The following LRRC74B variants were observed in gnomAD, a reference collection of about 807,000 sequenced individuals.
LRRC74B encodes leucine rich repeat containing 74B.
Under a neutral mutation model 16.6 loss-of-function variants are expected in LRRC74B, and 30 were observed. That is an observed-to-expected ratio of 1.80 (90% CI 1.35 to 2.45). The LOEUF (loss-of-function observed/expected upper bound fraction) is 2.45, where lower values mean the gene tolerates loss of function less well. Among genes scored for constraint, LRRC74B ranks in the 30% most tolerant of loss-of-function variants. The probability of loss-of-function intolerance (pLI) is 0.00; values close to 1 mark genes in which losing one functional copy is unlikely to be tolerated. For missense variants in LRRC74B, 326 were observed against 202.4 expected, an observed-to-expected ratio of 1.61 and a Z score of -3.71; for synonymous variants, 134 against 86.0, an observed-to-expected ratio of 1.56 and a Z score of -3.09.
chr22:21,047,903 C>A (rs754801266), exon 3 of LRRC74B: 64 of 717,238 alleles, frequency 8.9e-5, no homozygotes, highest in Non-Finnish European at 1.5e-4. Flanking sequence ...GCTCTGGCTT[C>A]CTCATTGAGC....
chr22:21,045,959 T>C (rs1192072028), upstream of LRRC74B: 3 of 715,890 alleles, frequency 4.2e-6, no homozygotes, highest in Non-Finnish European at 7.8e-6. Flanking sequence ...TCCGACTCAG[T>C]GTCTGAGACT....
chr22:21,050,972 C>G (rs1929984694), intron 4 of LRRC74B, among the ~76,000 whole-genome samples: 1 of 97,356 alleles, frequency 1.0e-5, no homozygotes, highest in Admixed American at 1.3e-4. Context: ...CAGAGCGAGA[C>G]TCCGTCTCAA....
intron 8 of LRRC74B, among the ~76,000 whole-genome samples, chr22:21,057,907 AC>A (rs1358752559): frequency 6.9e-6 from 1 of 144,764 alleles, no homozygotes; most frequent in Non-Finnish European, 1.5e-5. Context: ...TTTTTTTGAG[AC>A]AGAGTCTCAC....
intron 4 of LRRC74B, among the ~76,000 whole-genome samples, chr22:21,049,885 T>A (rs1466921214): frequency 2.0e-5 from 3 of 152,176 alleles, no homozygotes; most frequent in Admixed American, 2.0e-4. Context: ...TTTGCACTTC[T>A]ACCTGCCTCT....
intron 4 of LRRC74B, among the ~76,000 whole-genome samples, chr22:21,051,849 C>T (rs1255379376): frequency 6.6e-6 from 1 of 152,192 alleles, no homozygotes; most frequent in Non-Finnish European, 1.5e-5. Context: ...CCTGTGTCTC[C>T]TCCCCACTGT....
At chr22:21,052,098 T>C (rs566752489) in intron 4 of LRRC74B, 151 bp from the exon 5 acceptor site, 1 of 620,544 alleles carries the variant, frequency 1.6e-6, no homozygotes, top group Non-Finnish European at 2.9e-6. Flanking sequence ...CCCCATGAAA[T>C]GTGAGTTCCT....
At position 21,053,492 on chromosome 22, in the gene LRRC74B, G is replaced by C. The variant is rs1184777767; in HGVS notation, c.848+17G>C. ...CAACATGAGGTGAGGATCCCCGGGGGGACACCCCAGGAATCATGGGCTCCA... is the reference window on the plus strand; with the variant it reads ...CAACATGAGGTGAGGATCCCCGGGGCGACACCCCAGGAATCATGGGCTCCA... On this transcript the variant is annotated intron_variant, in intron 6 of 8. Coordinates refer to ENST00000442047, the Ensembl canonical transcript of LRRC74B. The C allele has an allele frequency of 7.0e-6, 5 of 714,850 alleles. No homozygotes were observed. The East Asian group carries it at 1.3e-4, about 19-fold the overall frequency. 44.3% of individuals were successfully genotyped at this position (714,850 alleles called of 1,614,324 possible).
At chr22:21,048,062 C>T in intron 3 of LRRC74B, 46 bp downstream of exon 3, 1 of 715,268 alleles carries the variant, frequency 1.4e-6, no homozygotes. Context: ...TCCTCCTTTT[C>T]CTCAGGGATG....
intron 8 of LRRC74B, 22 bp downstream of exon 8, chr22:21,057,222 C>A (rs756806539): frequency 1.4e-6 from 1 of 716,492 alleles, no homozygotes; most frequent in South Asian, 1.5e-5. Context: ...TTATAAACCT[C>A]GTTTCTGATC....
downstream of LRRC74B, chr22:21,063,994 CA>C (rs1930925524): frequency 1.9e-5 from 3 of 161,628 alleles, no homozygotes; most frequent in African/African-American, 2.4e-5. Flanking sequence ...CAAAACAAAA[CA>C]AAAAAATAAT....
chr22:21,048,049 G>A (rs772010073), intron 3 of LRRC74B, 33 bp downstream of exon 3: 19 of 716,430 alleles, frequency 2.7e-5, no homozygotes, highest in Admixed American at 1.4e-4. Flanking sequence ...GTGGGCAGGC[G>A]TGTCCTCCTT....
chr22:21,051,314 C>T (rs1346638525), intron 4 of LRRC74B, among the ~76,000 whole-genome samples: 3 of 152,126 alleles, frequency 2.0e-5, no homozygotes, highest in Admixed American at 6.6e-5. Flanking sequence ...TGTAGGATGA[C>T]CGCTGGAGGG....
downstream of LRRC74B, among the ~76,000 whole-genome samples, chr22:21,061,186 G>A (rs1198817926): frequency 2.6e-5 from 4 of 152,094 alleles, no homozygotes; most frequent in African/African-American, 9.7e-5. Context: ...AATTAGCCAG[G>A]CATGATGGCG....
At chr22:21,060,576 G>A (rs1224107516), downstream of LRRC74B, 1 of 676,846 alleles carries the variant, frequency 1.5e-6, no homozygotes, top group Non-Finnish European at 2.7e-6. Context: ...TTGACCTCCA[G>A]GGTGAGGAGC....
chr22:21,052,521 T>G (rs1265078585), intron 5 of LRRC74B, among the ~76,000 whole-genome samples, 163 bp downstream of exon 5: 2 of 152,232 alleles, frequency 1.3e-5, no homozygotes, highest in Non-Finnish European at 2.9e-5. Flanking sequence ...TGGCTTCACT[T>G]AGTGACCACA....
chr22:21,050,983 A>C (rs1214764463), intron 4 of LRRC74B, among the ~76,000 whole-genome samples: 1 of 14,286 alleles, frequency 7.0e-5, no homozygotes, highest in Non-Finnish European at 7.4e-4. Context: ...TCCGTCTCAA[A>C]AAAAAAAAAA....
intron 8 of LRRC74B, among the ~76,000 whole-genome samples, chr22:21,059,788 A>G (rs1183751223): frequency 1.3e-5 from 2 of 152,016 alleles, no homozygotes; most frequent in Non-Finnish European, 2.9e-5. Context: ...TCTACCCCGC[A>G]AGGCCATCAT....
Position 21,057,092 on chromosome 22 carries a change from G to A in LRRC74B, c.928-13G>A, listed in dbSNP as rs1601822123. On this transcript the variant is annotated splice_polypyrimidine_tract_variant and intron_variant, in intron 7 of 8. Coordinates refer to ENST00000442047, the Ensembl canonical transcript of LRRC74B. ...GACCTGGCTTCTCGCAGCTTTGTGT[G>A]CGTGTTTCTCAGGTGTCCAGGAATC... is the stretch of plus-strand genomic sequence containing the variant. 2 of 717,302 alleles carry A rather than the reference G, an allele frequency of 2.8e-6. No individual in the cohort carries two copies. The highest frequency in any genetic ancestry group is 2.7e-5 in the East Asian group (1 of 37,276). 44.4% of individuals were successfully genotyped at this position (717,302 alleles called of 1,614,324 possible).
At chr22:21,050,819 A>T (rs1929969393) in intron 4 of LRRC74B, among the ~76,000 whole-genome samples, 1 of 148,802 alleles carries the variant, frequency 6.7e-6, no homozygotes, top group African/African-American at 2.5e-5. Flanking sequence ...TTGGCAAGGC[A>T]CTGTGCCTAT....
Sources: gnomAD v4.1 joint callset for allele counts (sites outside exome capture counted in the v4.1 genomes callset) on GRCh38, gnomAD v4.1.1 for gene constraint, MANE v1.5 for transcripts, NCBI Gene and HGNC (gene_info 2026-07-23, HGNC 2026-07-21) for gene names.